The following SYNE2 variants were observed in gnomAD, a reference collection of about 807,000 sequenced individuals.
The protein encoded by SYNE2 is nesprin-2.
SYNE2 carries 431 observed loss-of-function variants against 856.3 expected under a neutral mutation model. The observed-to-expected ratio is 0.50, with a 90% CI of 0.47 to 0.55. The LOEUF is 0.55. Among genes scored for constraint, SYNE2 ranks in the 20% least tolerant of loss-of-function variants. SYNE2 has a pLI of 0.00. For missense variants in SYNE2, 8,129 were observed against 8,023.2 expected (o/e 1.01, Z -0.50); for synonymous variants, 2,923 against 2,872.3 (o/e 1.02, Z -0.56).
intron 50 of SYNE2, among the ~76,000 whole-genome samples, chr14:64,063,351 T>C (rs2097332302): frequency 6.6e-6 from 1 of 152,178 alleles, no homozygotes; most frequent in African/African-American, 2.4e-5. Flanking sequence ...CCTGGCCTTA[T>C]GTAATATATT....
rs766798501 is a variant in SYNE2 at position 64,150,321 on chromosome 14, A to AAAAAAAAAAAAAG, written c.15640-2243_15640-2242insAAAAAAAAAAAAG. Among the ~76,000 whole-genome samples, 18 of 119,486 alleles carry AAAAAAAAAAAAAG rather than the reference A, an allele frequency of 1.5e-4. 3 individuals are homozygous for AAAAAAAAAAAAAG. Among genetic ancestry groups the AAAAAAAAAAAAAG allele is most frequent in the South Asian group, 2.8e-4 (1 of 3,580 alleles). 78.4% of individuals were successfully genotyped at this position (119,486 alleles called of 152,430 possible). On this transcript the variant is annotated intron_variant, in intron 84 of 115. Coordinates refer to ENST00000555002, the MANE Select transcript of SYNE2 (RefSeq NM_182914.3). ...AAAAAAAAAAAAAAAAAAAAAAAAA[A>AAAAAAAAAAAAAG]GGATCCTCCCGCCTCAGCCTCTCAA...
intron 99 of SYNE2, among the ~76,000 whole-genome samples, chr14:64,192,796 C>T (rs970322330): frequency 6.6e-6 from 1 of 152,152 alleles, no homozygotes; most frequent in Non-Finnish European, 1.5e-5. Context: ...CCCTGACAGC[C>T]CAGACCCTCT....
chr14:64,075,817 A>T, intron 53 of SYNE2, 128 bp from the exon 54 acceptor site: 1 of 907,438 alleles, frequency 1.1e-6, no homozygotes, highest in Non-Finnish European at 1.8e-6. Context: ...TTGTATCACT[A>T]GTGGGGTTTT....
At chr14:64,121,102 C>T (rs1351034340) in intron 68 of SYNE2, 41 bp downstream of exon 68, 2 of 1,612,774 alleles carry the variant, frequency 1.2e-6, no homozygotes, top group African/African-American at 2.7e-5. Flanking sequence ...TAGAATATAA[C>T]TTTTTAACCA....
chr14:63,974,875 TG>T (rs2153463324), intron 11 of SYNE2, among the ~76,000 whole-genome samples: 1 of 39,752 alleles, frequency 2.5e-5, no homozygotes, highest in South Asian at 1.1e-3. Flanking sequence ...TGTGTGTGTG[TG>T]TGTGTGTGTG....
rs777830063 is a variant in SYNE2 at position 64,163,520 on chromosome 14, A to C, written c.16418A>C (p.His5473Pro). Reference sequence around the variant, plus strand: ...CACATGCTCCTCCCGGGCCCCCTGCACTCTCTCCAGAGGGCTGCTTATTTG... The same window carrying C: ...CACATGCTCCTCCCGGGCCCCCTGCCCTCTCTCCAGAGGGCTGCTTATTTG... ...STHMLLPGPL[H>P]SLQRAAYLEK... is the part of the protein sequence containing the mutation. Residue 5473 changes from histidine (H) to proline (P), a missense_variant, in exon 89 of 116, where the codon CAC becomes CCC. Physicochemically the swap from His to Pro is moderately conservative, Grantham distance 77. Transcript: ENST00000555002. 4.3e-6 allele frequency: 7 copies of C among 1,613,958 alleles called. No homozygotes were observed. The highest frequency in any genetic ancestry group is 5.9e-6 in the Non-Finnish European group (7 of 1,180,006).
In SYNE2 at chr14:64,025,017, TTTAG is replaced by T. The variant is rs1295162330; in HGVS notation, c.5947_5950del (p.Ala1984GlufsTer12). The T allele has an allele frequency of 6.2e-7, 1 of 1,614,080 alleles. No homozygotes were observed. The highest frequency in any genetic ancestry group is 8.5e-7 in the Non-Finnish European group (1 of 1,179,968). On this transcript the variant is annotated frameshift_variant, in exon 40 of 116. Coordinates refer to ENST00000555002, the MANE Select transcript of SYNE2 (RefSeq NM_182914.3). LOFTEE classifies it high-confidence loss of function. Reference sequence around the variant, plus strand: ...AGAAAACTGAGCTGTTCTGCCAAGCTTTAGCTAGAAAGAGGTATAGCTGATCTTG... The same window carrying T: ...AGAAAACTGAGCTGTTCTGCCAAGCTCTAGAAAGAGGTATAGCTGATCTTG...
intron 1 of SYNE2, among the ~76,000 whole-genome samples, chr14:63,818,344 CAA>C (rs34448523): frequency 0.017 from 1,483 of 86,356 alleles, 24 homozygotes; most frequent in African/African-American, 0.056. Context: ...GACTCCGTCT[CAA>C]AAAAAAAAAA....
At position 64,128,706 on chromosome 14, in the gene SYNE2, A is replaced by C. The variant is rs185043524; in HGVS notation, c.14019+153A>C. Among the ~76,000 whole-genome samples the C allele has an allele frequency of 8.5e-5, 13 of 152,356 alleles. No individual in the cohort carries two copies. The South Asian group carries it at 2.7e-3, about 32-fold the overall frequency. ...AACTATTTATGTTGACTTTTTAAAAACATCTCCTAATTTTCTGAAGCACAA... is the reference window on the plus strand; with the variant it reads ...AACTATTTATGTTGACTTTTTAAAACCATCTCCTAATTTTCTGAAGCACAA... On this transcript the variant is annotated intron_variant, in intron 74 of 115. Coordinates refer to ENST00000555002, the MANE Select transcript of SYNE2 (RefSeq NM_182914.3).
At chr14:64,032,099 G>C (rs1176056032) in intron 45 of SYNE2, among the ~76,000 whole-genome samples, 2 of 152,184 alleles carry the variant, frequency 1.3e-5, no homozygotes, top group Admixed American at 1.3e-4. Context: ...TAGGGAGTAA[G>C]TAATCAACAG....
intron 100 of SYNE2, chr14:64,207,869 A>T (rs911165014): frequency 9.4e-5 from 36 of 384,254 alleles, no homozygotes; most frequent in Non-Finnish European, 1.7e-4. Context: ...CTGTGGTCTC[A>T]TGTCACTTGT....
upstream of SYNE2, among the ~76,000 whole-genome samples, chr14:63,851,396 A>T (rs1595173623): frequency 6.6e-6 from 1 of 152,124 alleles, no homozygotes; most frequent in African/African-American, 2.4e-5. Context: ...AAAAACCCAG[A>T]AAGTTCTTTT....
chr14:64,113,456 A>C lies in SYNE2; in HGVS notation c.12725A>C (p.Lys4242Thr). The C allele has an allele frequency of 6.2e-7, 1 of 1,614,192 alleles. No homozygotes were observed. The highest frequency in any genetic ancestry group is 8.5e-7 in the Non-Finnish European group (1 of 1,180,036). The stretch of plus-strand genomic sequence containing the variant: ...CCCACAGAAGTCCTGCATGCCTGCA[A>C]GACCCAGGTGGCCGAGCTGGAGCTG... ...PEPTEVLHAC[K>T]TQVAELELWL... The change falls in exon 66 of 116, where the codon AAG (lysine) becomes ACG (threonine). Residue 4242 changes from lysine to threonine, a missense_variant. By Grantham distance (78) the Lys-to-Thr change is moderately conservative. Coordinates refer to ENST00000555002, the MANE Select transcript of SYNE2 (RefSeq NM_182914.3).
chr14:63,841,912 A>C (rs1213352348), intron 1 of SYNE2, among the ~76,000 whole-genome samples: 4 of 141,066 alleles, frequency 2.8e-5, no homozygotes, highest in African/African-American at 5.3e-5. Flanking sequence ...AGCTCACTGC[A>C]AGCTCCACCT....
At chr14:64,161,953 T>C in intron 87 of SYNE2, 119 bp from the exon 88 acceptor site, 1 of 1,090,448 alleles carries the variant, frequency 9.2e-7, no homozygotes, top group Non-Finnish European at 1.4e-6. Flanking sequence ...AAAAACCATT[T>C]AACAGTGTCT....
intron 94 of SYNE2, 152 bp downstream of exon 94, chr14:64,170,614 C>T: frequency 1.3e-6 from 1 of 778,944 alleles, no homozygotes; most frequent in Non-Finnish European, 2.2e-6. Context: ...CCACCCCCCA[C>T]AGCCCAGTCC....
chr14:63,917,764 C>G (rs1446495626), intron 2 of SYNE2, among the ~76,000 whole-genome samples: 1 of 152,198 alleles, frequency 6.6e-6, no homozygotes, highest in Non-Finnish European at 1.5e-5. Flanking sequence ...GTCACCGCAC[C>G]TGGCCTCAAG....
intron 23 of SYNE2, among the ~76,000 whole-genome samples, chr14:63,996,733 T>G (rs990199094): frequency 3.9e-5 from 6 of 152,186 alleles, no homozygotes; most frequent in Non-Finnish European, 8.8e-5. Flanking sequence ...GCACACTCTG[T>G]GCTGGTTCTT....
Position 64,221,662 on chromosome 14 carries a change from G to A in SYNE2, c.20148G>A (p.Lys6716=), listed in dbSNP as rs370131462. The A allele has an allele frequency of 6.2e-7, 1 of 1,614,038 alleles. No individual in the cohort carries two copies. The highest frequency in any genetic ancestry group is 1.3e-5 in the African/African-American group (1 of 74,916). The change falls in exon 112 of 116, where the codon AAG becomes AAA. Residue 6716 remains lysine, a synonymous_variant. Transcript: ENST00000555002. ...AGAAGGCTCATGTCACCGATCCAAA[G>A]GCAGACCCCCGGGCTCTCCTAGAGT... is the stretch of plus-strand genomic sequence containing the variant. The part of the protein sequence containing the change: ...RRQKAHVTDP[K]ADPRALLECR...
Sources: allele counts gnomAD v4.1 joint callset (sites outside exome capture counted in the v4.1 genomes callset), GRCh38; gene constraint gnomAD v4.1.1; transcripts MANE v1.5; gene names NCBI Gene and HGNC (gene_info 2026-07-23, HGNC 2026-07-21).